The following ARHGAP29 variants were observed in gnomAD, a reference collection of about 807,000 sequenced individuals.
ARHGAP29 encodes the protein Rho GTPase activating protein 29.
In ARHGAP29, 43 loss-of-function variants were observed where a neutral mutation model predicts 122.6. The observed-to-expected ratio is 0.35, with a 90% CI of 0.27 to 0.45. ARHGAP29 has a LOEUF of 0.45. ARHGAP29 is among the 20% of genes least tolerant of loss of function. The pLI is 1.00. For synonymous variants in ARHGAP29, 506 were observed against 497.1 expected (o/e 1.02, Z -0.24); for missense variants, 1,303 against 1,477.2 (o/e 0.88, Z 1.93).
At chr1:94,199,025 T>C (rs1557854443) in intron 12 of ARHGAP29, among the ~76,000 whole-genome samples, 1 of 152,058 alleles carries the variant, frequency 6.6e-6, no homozygotes, top group Admixed American at 6.6e-5. Flanking sequence ...CTCAATCATA[T>C]GTGGGAACTG....
chr1:94,271,579 C>T (rs1654996156), intron 1 of ARHGAP29, among the ~76,000 whole-genome samples: 1 of 152,120 alleles, frequency 6.6e-6, no homozygotes, highest in Non-Finnish European at 1.5e-5. Context: ...TAGCAGTGGC[C>T]CATTAAAACA....
chr1:94,269,311 G>T (rs1654902094), intron 1 of ARHGAP29, among the ~76,000 whole-genome samples: 2 of 152,160 alleles, frequency 1.3e-5, no homozygotes, highest in Admixed American at 1.3e-4. Flanking sequence ...TTCCTTTAAA[G>T]AATCTAATCT....
chr1:94,225,820 CTT>C (rs1481432889), intron 2 of ARHGAP29, among the ~76,000 whole-genome samples: 1 of 151,954 alleles, frequency 6.6e-6, no homozygotes, highest in African/African-American at 2.4e-5. Context: ...CAACCAAAGT[CTT>C]AATACTAGTC....
intron 1 of ARHGAP29, among the ~76,000 whole-genome samples, chr1:94,264,359 C>T (rs1043449020): frequency 6.6e-6 from 1 of 152,110 alleles, no homozygotes; most frequent in Non-Finnish European, 1.5e-5. Flanking sequence ...AATCCTGCAC[C>T]TTCTGTCCCA....
chr1:94,247,250 C>A (rs2100687442), intron 1 of ARHGAP29, among the ~76,000 whole-genome samples: 1 of 152,188 alleles, frequency 6.6e-6, no homozygotes, highest in South Asian at 2.1e-4. Context: ...CGCAGTGAGG[C>A]GATGAGGGCT....
At chr1:94,276,121 G>A (rs540760499), upstream of ARHGAP29, among the ~76,000 whole-genome samples, 10 of 152,162 alleles carry the variant, frequency 6.6e-5, no homozygotes, top group East Asian at 3.9e-4. Context: ...CACTGGGCGT[G>A]GTGGGGCATG....
At chr1:94,303,749 G>T in the ARHGAP29 span, among the ~76,000 whole-genome samples, 177 of 152,254 alleles carry the variant, frequency 1.2e-3, no homozygotes, top group Non-Finnish European at 2.0e-3. Flanking sequence ...TTGAGTAAGT[G>T]GAGATTTGGG....
At chr1:94,238,053 A>ATT (rs71717670), upstream of ARHGAP29, among the ~76,000 whole-genome samples, 107 of 61,060 alleles carry the variant, frequency 1.8e-3, 5 homozygotes, top group African/African-American at 6.0e-3. Context: ...GCCTATCTGT[A>ATT]TTTTTTTTTT....
the ARHGAP29 span, among the ~76,000 whole-genome samples, chr1:94,292,356 AC>A: frequency 1.3e-5 from 2 of 151,912 alleles, no homozygotes; most frequent in African/African-American, 4.8e-5. Context: ...CATTCGTCTA[AC>A]CTTTTTTCAA....
intron 1 of ARHGAP29, among the ~76,000 whole-genome samples, chr1:94,258,329 T>C (rs1373360560): frequency 6.6e-6 from 1 of 152,258 alleles, no homozygotes; most frequent in Non-Finnish European, 1.5e-5. Context: ...CTCAATTTTT[T>C]AAGCCAGGAA....
rs573936620 is a variant in ARHGAP29, at chr1:94,229,618, C to A, written c.205+1789G>T. Among the ~76,000 whole-genome samples the A allele has an allele frequency of 4.0e-5, 6 of 151,788 alleles. No homozygotes were observed. In the South Asian group the frequency reaches 1.2e-3, roughly 31 times the overall value. ...TCTATTTTGTAATTAATTTCCTGGC[C>A]ATAAATTGCAAACTTTTTGATAATG... On this transcript the variant is annotated intron_variant, in intron 2 of 22. Transcript: ENST00000260526.
At chr1:94,217,970 A>G (rs1652055730) in intron 3 of ARHGAP29, among the ~76,000 whole-genome samples, 1 of 152,220 alleles carries the variant, frequency 6.6e-6, no homozygotes, top group East Asian at 1.9e-4. Flanking sequence ...GTACATTTAT[A>G]GGTTTTAAAG....
In ARHGAP29 at chr1:94,174,212, G is replaced by C; in HGVS notation, c.3443C>G (p.Pro1148Arg). Reference protein sequence around the residue: ...ASERRSSDSYPLAPVRAPRTL... With the variant: ...ASERRSSDSYRLAPVRAPRTL... ...TCTGGGTGCTCTGACAGGAGCGAGA[G>C]GGTAGGAATCTGAAGACCGTCTCTC... Residue 1148 changes from proline to arginine, a missense_variant, in exon 23 of 23, where the codon CCT becomes CGT. By Grantham distance (103) the Pro-to-Arg change is moderately radical (BLOSUM62 -2). Transcript: ENST00000260526. 2.5e-6 allele frequency: 4 copies of C among 1,614,194 alleles called. No individual in the cohort carries two copies. Among genetic ancestry groups the C allele is most frequent in the Non-Finnish European group, 3.4e-6 (4 of 1,180,036 alleles).
At chr1:94,298,752 A>G in the ARHGAP29 span, among the ~76,000 whole-genome samples, 1,715 of 152,338 alleles carry the variant, frequency 0.011, 13 homozygotes, top group Non-Finnish European at 0.018. Context: ...GTAAATATAT[A>G]TATAACGAGT....
intron 16 of ARHGAP29, 104 bp downstream of exon 16, chr1:94,186,395 C>A: frequency 1.3e-6 from 1 of 772,454 alleles, no homozygotes; most frequent in Non-Finnish European, 2.0e-6. Context: ...TTGTTTAATA[C>A]ACAAAAAAGT....
intron 13 of ARHGAP29, among the ~76,000 whole-genome samples, chr1:94,189,651 C>T (rs543333130): frequency 4.6e-5 from 7 of 152,114 alleles, no homozygotes; most frequent in African/African-American, 7.2e-5. Flanking sequence ...AAATTTTTGT[C>T]GACCTTCAAA....
chr1:94,241,199 C>T (rs772391797), upstream of ARHGAP29, among the ~76,000 whole-genome samples: 18 of 152,142 alleles, frequency 1.2e-4, no homozygotes, highest in Admixed American at 5.9e-4. Flanking sequence ...TTAAATTATG[C>T]CACAGTATAT....
intron 2 of ARHGAP29, among the ~76,000 whole-genome samples, chr1:94,221,974 TAA>T (rs71588515): frequency 1.4e-5 from 2 of 138,094 alleles, no homozygotes. Context: ...GGAAGAACTT[TAA>T]AAAAAAAAAA....
At chr1:94,302,296 G>T in the ARHGAP29 span, 1 of 256,260 alleles carries the variant, frequency 3.9e-6, no homozygotes, top group South Asian at 4.1e-5. Context: ...CGCTGGTGCT[G>T]ATTATGTTAT....
Sources: allele counts gnomAD v4.1 joint callset (sites outside exome capture counted in the v4.1 genomes callset), GRCh38; gene constraint gnomAD v4.1.1; transcripts MANE v1.5; gene names NCBI Gene and HGNC (gene_info 2026-07-23, HGNC 2026-07-21).